Variants in RGS5 observed in about 807,000 individuals in gnomAD.
The protein encoded by RGS5 is regulator of G-protein signalling 5.
RGS5 carries 20 observed loss-of-function variants against 18.9 expected under a neutral mutation model. That is an observed-to-expected ratio of 1.06 (90% confidence interval 0.74 to 1.54). The LOEUF (loss-of-function observed/expected upper bound fraction) is 1.54. RGS5 is among the 40% of genes most tolerant of loss of function. The probability of loss-of-function intolerance (pLI) is 0.00; values close to 1 mark genes in which losing one functional copy is unlikely to be tolerated. For missense variants in RGS5, 201 were observed against 211.8 expected, an observed-to-expected ratio of 0.95 and a Z score of 0.32; for synonymous variants, 57 against 76.2, an observed-to-expected ratio of 0.75 and a Z score of 1.31.
chr1:163,307,630 A>C (rs1319966343), intron 1 of RGS5, among the ~76,000 whole-genome samples: 1 of 151,996 alleles, frequency 6.6e-6, no homozygotes, highest in Admixed American at 6.6e-5. Flanking sequence ...TAATAAAAAA[A>C]AAAGGAGCTT....
At chr1:163,305,420 G>C (rs1195973899) in intron 2 of RGS5, 1 of 152,254 alleles carries the variant, frequency 6.6e-6, no homozygotes, top group African/African-American at 2.4e-5. Context: ...CCCTCTCTTT[G>C]CCCTGTGGCT....
chr1:163,217,892 TA>T (rs1197978138), upstream of RGS5, among the ~76,000 whole-genome samples: 1 of 152,126 alleles, frequency 6.6e-6, no homozygotes, highest in Admixed American at 6.6e-5. Flanking sequence ...GTACTGTGAG[TA>T]ACAGATTTTA....
At chr1:163,300,397 CCT>C (rs1649522403) in intron 2 of RGS5, 2 of 152,220 alleles carry the variant, frequency 1.3e-5, no homozygotes, top group African/African-American at 4.8e-5. Flanking sequence ...GTATTTCTAT[CCT>C]CTGTGATTTA....
At chr1:163,226,198 G>A (rs138685739) in intron 2 of RGS5, among the ~76,000 whole-genome samples, 5,493 of 95,286 alleles carry the variant, frequency 0.058, 172 homozygotes, top group African/African-American at 0.094. Flanking sequence ...GGGATTATAG[G>A]CATGAGCCAC....
At chr1:163,301,129 AAC>A (rs914056505) in intron 2 of RGS5, among the ~76,000 whole-genome samples, 43 of 152,308 alleles carry the variant, frequency 2.8e-4, no homozygotes, top group African/African-American at 1.0e-3. Flanking sequence ...ATTATCTATA[AAC>A]ACATAATTTC....
At chr1:163,270,658 C>A (rs1648696708) in intron 2 of RGS5, among the ~76,000 whole-genome samples, 1 of 152,120 alleles carries the variant, frequency 6.6e-6, no homozygotes, top group African/African-American at 2.4e-5. Context: ...TACTGACAAT[C>A]CATCCTACAA....
upstream of RGS5, among the ~76,000 whole-genome samples, chr1:163,219,420 CTTTCAT>C (rs1411085192): frequency 6.6e-6 from 1 of 152,076 alleles, no homozygotes; most frequent in Non-Finnish European, 1.5e-5. Context: ...TCTTGTAGTT[CTTTCAT>C]TTTAATTGTT....
intron 2 of RGS5, among the ~76,000 whole-genome samples, chr1:163,269,739 C>T (rs1448270311): frequency 6.6e-6 from 1 of 152,122 alleles, no homozygotes; most frequent in Non-Finnish European, 1.5e-5. Flanking sequence ...TTCTGATCTA[C>T]TATTCACCTC....
intron 2 of RGS5, among the ~76,000 whole-genome samples, chr1:163,239,886 T>C (rs1475333563): frequency 6.6e-6 from 1 of 152,192 alleles, no homozygotes. Flanking sequence ...GTGTTAACTA[T>C]CTGGAAGCAA....
intron 2 of RGS5, among the ~76,000 whole-genome samples, chr1:163,264,785 TGA>T (rs1196519131): frequency 6.6e-6 from 1 of 152,126 alleles, no homozygotes; most frequent in African/African-American, 2.4e-5. Flanking sequence ...TTAACCTCAT[TGA>T]GACTTAGTTC....
chr1:163,223,220 C>G (rs186806655), intron 2 of RGS5, among the ~76,000 whole-genome samples: 120 of 152,216 alleles, frequency 7.9e-4, no homozygotes, highest in Non-Finnish European at 1.3e-3. Context: ...CCACTGTGTC[C>G]CTGTTGCCCA....
intron 1 of RGS5, among the ~76,000 whole-genome samples, chr1:163,175,967 T>C (rs1027861920): frequency 2.0e-5 from 3 of 152,204 alleles, no homozygotes; most frequent in African/African-American, 7.2e-5. Flanking sequence ...AATCATTCCC[T>C]AGCAGTGTTT....
rs116048474 is a variant in RGS5 at position 163,295,760 on chromosome 1, T to C, written c.-281+10473A>G. On this transcript the variant is annotated intron_variant, in intron 2 of 5. Transcript: ENST00000618415. ...GCATCAAGGTTTTAAGCAAATATCC[T>C]GGCTTCAGTTTGTTGGGTGACATCA... Among the ~76,000 whole-genome samples, 586 of 152,358 alleles carry C rather than the reference T, an allele frequency of 3.8e-3. 3 individuals are homozygous for C. Among genetic ancestry groups the C allele is most frequent in the Non-Finnish European group, 4.6e-3 (316 of 68,032 alleles).
chr1:163,158,680 C>T (rs565693176), intron 3 of RGS5, among the ~76,000 whole-genome samples: 27 of 152,172 alleles, frequency 1.8e-4, no homozygotes, highest in Admixed American at 5.2e-4. Flanking sequence ...TAAAATATCA[C>T]GAGGCAAATG....
At chr1:163,204,203 A>G (rs1235409589), upstream of RGS5, among the ~76,000 whole-genome samples, 1 of 152,116 alleles carries the variant, frequency 6.6e-6, no homozygotes, top group African/African-American at 2.4e-5. Flanking sequence ...GTTTTCTGAA[A>G]TTTTGACTTT....
intron 2 of RGS5, among the ~76,000 whole-genome samples, chr1:163,228,548 G>A (rs1647392985): frequency 6.6e-6 from 1 of 152,214 alleles, no homozygotes; most frequent in Non-Finnish European, 1.5e-5. Flanking sequence ...GGAAGGGGCT[G>A]CTGTGAAAGT....
intron 1 of RGS5, chr1:163,321,601 C>G (rs1319857850): frequency 6.6e-6 from 1 of 152,184 alleles, no homozygotes; most frequent in East Asian, 1.9e-4. Flanking sequence ...GTTATTATTA[C>G]TCTGGAATTC....
chr1:163,195,648 T>C (rs1477393059), intron 1 of RGS5, among the ~76,000 whole-genome samples: 1 of 151,930 alleles, frequency 6.6e-6, no homozygotes, highest in Non-Finnish European at 1.5e-5. Flanking sequence ...TTAAATACTG[T>C]ACCATTTTTA....
chr1:163,278,369 C>G (rs1166458156), intron 2 of RGS5, among the ~76,000 whole-genome samples: 3 of 152,072 alleles, frequency 2.0e-5, no homozygotes, highest in African/African-American at 4.8e-5. Flanking sequence ...AAGTACTATA[C>G]CCAACAAATC....
Sources: gnomAD v4.1 joint callset for allele counts (sites outside exome capture counted in the v4.1 genomes callset) on GRCh38, gnomAD v4.1.1 for gene constraint, MANE v1.5 for transcripts, NCBI Gene and HGNC (gene_info 2026-07-23, HGNC 2026-07-21) for gene names.